NDUFS6: variants seen among roughly 807,000 people sequenced by gnomAD.
The protein encoded by NDUFS6 is NADH dehydrogenase [ubiquinone] iron-sulfur protein 6, mitochondrial.
NDUFS6 carries 14 observed loss-of-function variants against 13.2 expected under a neutral mutation model. That is an observed-to-expected ratio of 1.06 (90% CI 0.70 to 1.66). NDUFS6 has a LOEUF of 1.66. Among genes scored for constraint, NDUFS6 ranks in the 40% most tolerant of loss-of-function variants. The pLI is 0.00. For synonymous variants in NDUFS6, 95 were observed against 72.3 expected (o/e 1.31, Z -1.60); for missense variants, 206 against 170.8 (o/e 1.21, Z -1.15).
intron 2 of NDUFS6, among the ~76,000 whole-genome samples, chr5:1,806,946 G>T (rs573150861): frequency 6.6e-6 from 1 of 152,310 alleles, no homozygotes; most frequent in Admixed American, 6.5e-5. Flanking sequence ...TCTGTCCATG[G>T]ACAGTGGAAT....
chr5:1,814,745 T>C lies in NDUFS6; in HGVS notation c.309+284T>C. The C allele has an allele frequency of 1.4e-6, 1 of 697,902 alleles. No individual in the cohort carries two copies. 43.2% of individuals were successfully genotyped at this position (697,902 alleles called of 1,614,324 possible). On this transcript the variant is annotated intron_variant, in intron 3 of 3. Transcript: ENST00000274137. The surrounding 1 kb of genome is among the most constrained non-coding windows in gnomAD (Gnocchi z 4.9). Reference sequence around the variant, plus strand: ...CTCTGGGCCCTTCTCGGTTTGGTCATCATCTCAGCTCAGGCTGCCACACAC... The same window carrying C: ...CTCTGGGCCCTTCTCGGTTTGGTCACCATCTCAGCTCAGGCTGCCACACAC...
chr5:1,808,192 T>C (rs1241102749), intron 2 of NDUFS6, among the ~76,000 whole-genome samples: 1 of 152,142 alleles, frequency 6.6e-6, no homozygotes, highest in East Asian at 1.9e-4. Flanking sequence ...TTTGCCTGAG[T>C]CTCTCTTGTC....
intron 2 of NDUFS6, among the ~76,000 whole-genome samples, chr5:1,807,174 G>GAGTGAGGTA: frequency 6.6e-6 from 1 of 152,182 alleles, no homozygotes. Flanking sequence ...CAGAGGTACT[G>GAGTGAGGTA]CGTGAGGTAC....
intron 2 of NDUFS6, among the ~76,000 whole-genome samples, chr5:1,810,141 C>T (rs375544923): frequency 5.9e-5 from 9 of 152,242 alleles, no homozygotes; most frequent in African/African-American, 2.2e-4. Flanking sequence ...AAATGAGTGA[C>T]TTTGTGATGA....
At chr5:1,815,821 T>C in intron 3 of NDUFS6, 30 bp from the exon 4 acceptor site, 1 of 1,603,366 alleles carries the variant, frequency 6.2e-7, no homozygotes, top group Non-Finnish European at 8.5e-7. Context: ...AATATGGAAA[T>C]ATGACATCAT....
chr5:1,812,831 T>G (rs1734239975), intron 2 of NDUFS6, among the ~76,000 whole-genome samples: 1 of 151,752 alleles, frequency 6.6e-6, no homozygotes, highest in Non-Finnish European at 1.5e-5. Flanking sequence ...GGCGGGCGGA[T>G]CACCTAAGGT....
intron 1 of NDUFS6, 41 bp downstream of exon 1, chr5:1,801,590 C>T (rs1734043256): frequency 1.9e-6 from 3 of 1,538,688 alleles, no homozygotes; most frequent in Admixed American, 1.9e-5. Context: ...CCTCCAGCCG[C>T]ACCTCGGGCG....
chr5:1,807,797 C>T lies in NDUFS6; in HGVS notation c.186+5423C>T, dbSNP rs181097688. Reference sequence around the variant, plus strand: ...GTTGGCTCTCGTGCGTGCACACACACACTGTTGGTCACAGGAGGGATGCCA... The same window carrying T: ...GTTGGCTCTCGTGCGTGCACACACATACTGTTGGTCACAGGAGGGATGCCA... On this transcript the variant is annotated intron_variant, in intron 2 of 3. Coordinates refer to ENST00000274137, the MANE Select transcript of NDUFS6 (RefSeq NM_004553.6). Among the ~76,000 whole-genome samples the T allele has an allele frequency of 2.7e-3, 408 of 152,364 alleles. 1 individual carries two copies. The highest frequency in any genetic ancestry group is 3.5e-3 in the Non-Finnish European group (236 of 68,042).
intron 1 of NDUFS6, 98 bp downstream of exon 1, chr5:1,801,647 C>G (rs1734044524): frequency 6.8e-7 from 1 of 1,481,446 alleles, no homozygotes; most frequent in East Asian, 2.5e-5. Context: ...TGGTTCTGCG[C>G]CGGCAGCGCA....
chr5:1,805,490 T>A (rs1159304371), intron 2 of NDUFS6, among the ~76,000 whole-genome samples: 2 of 152,210 alleles, frequency 1.3e-5, no homozygotes, highest in Non-Finnish European at 2.9e-5. Context: ...AAGGAATCCA[T>A]GGCCCCTGGG....
intron 2 of NDUFS6, 65 bp downstream of exon 2, chr5:1,802,439 T>G (rs1734062757): frequency 7.9e-7 from 1 of 1,273,194 alleles, no homozygotes; most frequent in South Asian, 1.3e-5. Context: ...CAACAAGAAA[T>G]AAAAATTAAT....
At chr5:1,812,478 C>T (rs1028581800) in intron 2 of NDUFS6, among the ~76,000 whole-genome samples, 6 of 148,238 alleles carry the variant, frequency 4.0e-5, no homozygotes, top group Non-Finnish European at 7.5e-5. Context: ...CCTTGTCCCT[C>T]CAATTCCCTG....
intron 2 of NDUFS6, 112 bp downstream of exon 2, chr5:1,802,486 C>A: frequency 1.2e-6 from 1 of 839,090 alleles, no homozygotes; most frequent in Non-Finnish European, 1.9e-6. Flanking sequence ...ATATTGCAAG[C>A]ACCCTAACAG....
intron 2 of NDUFS6, among the ~76,000 whole-genome samples, chr5:1,802,597 A>T (rs1331492711): frequency 6.6e-6 from 1 of 152,186 alleles, no homozygotes; most frequent in Non-Finnish European, 1.5e-5. Context: ...TCTGGTTTGC[A>T]TATAAATGGA....
At chr5:1,801,997 T>TG (rs1191983076) in intron 1 of NDUFS6, among the ~76,000 whole-genome samples, 1 of 152,134 alleles carries the variant, frequency 6.6e-6, no homozygotes, top group Non-Finnish European at 1.5e-5. Flanking sequence ...GTAGATTTAA[T>TG]GGGGGGATAG....
In NDUFS6 at chr5:1,801,423, G is replaced by A. The variant is rs769602311; in HGVS notation, c.6G>A (p.Ala2=). ...TCAAAGGCCAGCGGCGCAAAATGGC[G>A]GCGGCGATGACCTTCTGCCGGCTGC... The part of the protein sequence containing the change: M[A]AAMTFCRLLN... The change falls in exon 1 of 4, where the codon GCG becomes GCA. Residue 2 remains alanine, a synonymous_variant. Coordinates refer to ENST00000274137, the MANE Select transcript of NDUFS6 (RefSeq NM_004553.6). 3.1e-6 allele frequency: 5 copies of A among 1,605,156 alleles called. No homozygotes were observed. In the South Asian group the frequency reaches 4.4e-5, roughly 14 times the overall value.
chr5:1,814,842 C>G lies in NDUFS6; in HGVS notation c.309+381C>G, dbSNP rs1222289586. ...GCTGGAGGCTGCAGCCCAAGACCAC[C>G]GTGCCGCTCTGTGGGTTCCTCCTGG... On this transcript the variant is annotated intron_variant, in intron 3 of 3. Coordinates refer to ENST00000274137, the MANE Select transcript of NDUFS6 (RefSeq NM_004553.6). This position sits in a 1 kb window ranked among gnomAD's most constrained non-coding sequence, Gnocchi z 4.9. 1.6e-5 allele frequency: 10 copies of G among 619,468 alleles called. No individual in the cohort carries two copies. In the African/African-American group the frequency reaches 1.7e-4, roughly 10 times the overall value. 38.4% of individuals were successfully genotyped at this position (619,468 alleles called of 1,614,324 possible). A position where few individuals can be genotyped will look rare whatever the true frequency, so the allele number is the denominator to read the frequency against.
chr5:1,804,047 A>G (rs1030388297), intron 2 of NDUFS6, among the ~76,000 whole-genome samples: 1 of 152,116 alleles, frequency 6.6e-6, no homozygotes, highest in Non-Finnish European at 1.5e-5. Context: ...TTTGGCAGTG[A>G]CCGTGGTGAC....
intron 2 of NDUFS6, among the ~76,000 whole-genome samples, chr5:1,804,758 T>A (rs10076075): frequency 8.5e-4 from 129 of 152,368 alleles, no homozygotes; most frequent in African/African-American, 3.1e-3. Flanking sequence ...GCTCAGTTTC[T>A]GCTGTTTACT....
Sources: allele counts gnomAD v4.1 joint callset (sites outside exome capture counted in the v4.1 genomes callset), GRCh38; gene constraint gnomAD v4.1.1; non-coding constraint Gnocchi (gnomAD v3.1); transcripts MANE v1.5; gene names NCBI Gene and HGNC (gene_info 2026-07-23, HGNC 2026-07-21).